KIAA0825: variants seen among roughly 807,000 people sequenced by gnomAD.
The protein encoded by KIAA0825 is KIAA0825, also known as uncharacterized protein KIAA0825.
A neutral mutation model predicts 147.6 loss-of-function variants in KIAA0825; 119 were observed. That is an observed-to-expected ratio of 0.81 (90% CI 0.69 to 0.94). KIAA0825 has a LOEUF of 0.94. Among genes scored for constraint, KIAA0825 ranks in the 40% least tolerant of loss-of-function variants. The pLI is 0.00. For synonymous variants in KIAA0825, 470 were observed against 518.1 expected, an observed-to-expected ratio of 0.91 and a Z score of 1.26; for missense variants, 1,381 against 1,472.7, an observed-to-expected ratio of 0.94 and a Z score of 1.02.
intron 5 of KIAA0825, among the ~76,000 whole-genome samples, chr5:94,512,621 T>C (rs1457162857): frequency 2.4e-5 from 3 of 125,954 alleles, no homozygotes; most frequent in South Asian, 5.1e-4. Flanking sequence ...AAAGGCAGAG[T>C]GTGGTGGCTC....
intron 18 of KIAA0825, among the ~76,000 whole-genome samples, chr5:94,388,163 A>G (rs1434582751): frequency 6.6e-6 from 1 of 152,162 alleles, no homozygotes. Context: ...AACACACAAC[A>G]TAAATCCCTC....
At chr5:94,383,001 A>G (rs1392692402) in intron 20 of KIAA0825, among the ~76,000 whole-genome samples, 1 of 152,248 alleles carries the variant, frequency 6.6e-6, no homozygotes, top group Non-Finnish European at 1.5e-5. Context: ...GTTTCCAGAC[A>G]GACATTTAAT....
chr5:94,449,386 T>A (rs568863294), intron 13 of KIAA0825, among the ~76,000 whole-genome samples: 93 of 152,248 alleles, frequency 6.1e-4, no homozygotes, highest in Non-Finnish European at 1.1e-3. Context: ...AAGGTTGTTA[T>A]AATGGGGTGG....
intron 5 of KIAA0825, among the ~76,000 whole-genome samples, chr5:94,487,263 T>C (rs1191560486): frequency 6.6e-6 from 1 of 152,212 alleles, no homozygotes; most frequent in East Asian, 1.9e-4. Context: ...ATGACCTAAA[T>C]CTAATCATTT....
intron 6 of KIAA0825, among the ~76,000 whole-genome samples, chr5:94,479,350 T>C (rs1762239981): frequency 6.6e-6 from 1 of 152,184 alleles, no homozygotes; most frequent in African/African-American, 2.4e-5. Flanking sequence ...TCATATAGTA[T>C]GTAGCCTTTT....
intron 20 of KIAA0825, among the ~76,000 whole-genome samples, chr5:94,300,082 T>C (rs1301490639): frequency 6.6e-6 from 1 of 152,086 alleles, no homozygotes; most frequent in Admixed American, 6.6e-5. Flanking sequence ...CATGATATAG[T>C]ACACATAATA....
Position 94,453,047 on chromosome 5 carries a change from C to T in KIAA0825, c.2269G>A (p.Glu757Lys), listed in dbSNP as rs962585061. 2.6e-6 allele frequency: 4 copies of T among 1,521,630 alleles called. No homozygotes were observed. Among genetic ancestry groups the T allele is most frequent in the Admixed American group, 2.3e-5 (1 of 44,312 alleles). The allele number at this position is 1,521,630 out of a possible 1,614,324, so 94.3% of individuals were successfully genotyped here. ...LYKTFQHGLD[E>K]SASDSLKSFF... Reference sequence around the variant, plus strand: ...GATTTTAAGGAATCTGAAGCAGACTCATCCAGGCCATGCTGAAAAGTCCTA... The same window carrying T: ...GATTTTAAGGAATCTGAAGCAGACTTATCCAGGCCATGCTGAAAAGTCCTA... The change falls in exon 13 of 21, where the codon GAG becomes AAG. Residue 757 changes from glutamate to lysine, a missense_variant. Glu to Lys is a moderately conservative substitution (Grantham distance 56). Transcript: ENST00000682413.
intron 1 of KIAA0825, among the ~76,000 whole-genome samples, chr5:94,610,426 CAAAAAA>C (rs199687437): frequency 1.6e-5 from 1 of 63,216 alleles, no homozygotes; most frequent in Admixed American, 1.9e-4. Flanking sequence ...AAGACTGTCT[CAAAAAA>C]AAAAAAAAGA....
chr5:94,404,760 CAA>C (rs1751827844), intron 15 of KIAA0825, among the ~76,000 whole-genome samples: 1 of 151,854 alleles, frequency 6.6e-6, no homozygotes, highest in African/African-American at 2.4e-5. Flanking sequence ...CAAATGAAAA[CAA>C]AGGTTAGAAT....
chr5:94,515,791 C>CAAAAAAAAAAAAAAAA (rs754577018), intron 5 of KIAA0825, among the ~76,000 whole-genome samples: 12 of 93,584 alleles, frequency 1.3e-4, no homozygotes, highest in African/African-American at 3.8e-4. Context: ...GACTCTGTCT[C>CAAAAAAAAAAAAAAAA]AAAAAAAAAA....
chr5:94,420,423 G>T (rs1754032637), intron 14 of KIAA0825, among the ~76,000 whole-genome samples: 1 of 152,164 alleles, frequency 6.6e-6, no homozygotes, highest in Non-Finnish European at 1.5e-5. Context: ...CTCAAAGCCT[G>T]CTTTGACATT....
chr5:94,492,809 C>G (rs896320415), intron 5 of KIAA0825, among the ~76,000 whole-genome samples: 8 of 152,056 alleles, frequency 5.3e-5, no homozygotes, highest in African/African-American at 1.9e-4. Flanking sequence ...TGATAAACAC[C>G]ATATCAGAGA....
chr5:94,297,431 T>C (rs1465244055), intron 20 of KIAA0825, among the ~76,000 whole-genome samples: 3 of 152,312 alleles, frequency 2.0e-5, no homozygotes, highest in South Asian at 4.1e-4. Context: ...TTCCAAAAAA[T>C]ACACCAATAT....
At chr5:94,605,714 A>C (rs1303786575) in intron 1 of KIAA0825, among the ~76,000 whole-genome samples, 1 of 152,210 alleles carries the variant, frequency 6.6e-6, no homozygotes, top group Non-Finnish European at 1.5e-5. Context: ...AACATTCAAC[A>C]TCCCTTCATG....
chr5:94,473,230 C>T (rs562650524), intron 8 of KIAA0825, 62 bp downstream of exon 8: 4 of 1,326,928 alleles, frequency 3.0e-6, no homozygotes, highest in Admixed American at 2.0e-5. Context: ...TTTTGCAATG[C>T]CTTATACTAA....
intron 14 of KIAA0825, among the ~76,000 whole-genome samples, chr5:94,428,487 T>G (rs1755209853): frequency 6.6e-6 from 1 of 152,162 alleles, no homozygotes; most frequent in Admixed American, 6.5e-5. Context: ...AAAGATTTTA[T>G]TTCTCCTTTG....
At chr5:94,275,012 G>C (rs1777159390) in intron 20 of KIAA0825, among the ~76,000 whole-genome samples, 1 of 152,126 alleles carries the variant, frequency 6.6e-6, no homozygotes, top group South Asian at 2.1e-4. Flanking sequence ...TCAAAGTAGA[G>C]GTACTGTGCT....
At chr5:94,172,410 T>G (rs984384208) in intron 20 of KIAA0825, among the ~76,000 whole-genome samples, 1 of 152,232 alleles carries the variant, frequency 6.6e-6, no homozygotes. Context: ...ACATACAGAT[T>G]GACTGCAGAG....
chr5:94,549,045 G>C (rs1775008773), intron 2 of KIAA0825, among the ~76,000 whole-genome samples: 1 of 152,096 alleles, frequency 6.6e-6, no homozygotes, highest in African/African-American at 2.4e-5. Context: ...AATCAGCAAA[G>C]AAACATTGAA....
Sources: gnomAD v4.1 joint callset for allele counts (sites outside exome capture counted in the v4.1 genomes callset) on GRCh38, gnomAD v4.1.1 for gene constraint, MANE v1.5 for transcripts, NCBI Gene and HGNC (gene_info 2026-07-23, HGNC 2026-07-21) for gene names.